Variants in BCAS3 observed in about 807,000 individuals in gnomAD.
BCAS3 encodes the protein BCAS4/BCAS3 fusion.
Under a neutral mutation model 116.1 loss-of-function variants are expected in BCAS3, and 53 were observed. The ratio of observed to expected loss-of-function variants is 0.46; its 90% CI spans 0.37 to 0.57. The LOEUF (loss-of-function observed/expected upper bound fraction) is 0.57, where lower values mean the gene tolerates loss of function less well. Ranked by LOEUF, BCAS3 falls within the 20% of genes least tolerant of loss-of-function variation. The pLI is 0.00. For synonymous variants in BCAS3, 391 were observed against 408.2 expected, an observed-to-expected ratio of 0.96 and a Z score of 0.51; for missense variants, 917 against 1,165.4, an observed-to-expected ratio of 0.79 and a Z score of 3.10.
At chr17:61,246,611 G>A (rs968819116) in intron 22 of BCAS3, among the ~76,000 whole-genome samples, 1 of 152,016 alleles carries the variant, frequency 6.6e-6, no homozygotes, top group African/African-American at 2.4e-5. Context: ...CACCTGACAC[G>A]GCATCACTGG....
At chr17:60,702,144 ATGTAGT>A (rs774019996) in intron 4 of BCAS3, among the ~76,000 whole-genome samples, 8 of 152,210 alleles carry the variant, frequency 5.3e-5, no homozygotes, top group African/African-American at 1.4e-4. Context: ...AAACGTATAG[ATGTAGT>A]TGAATTGAAT....
At chr17:60,976,271 G>A (rs1162199074) in intron 14 of BCAS3, among the ~76,000 whole-genome samples, 6 of 151,272 alleles carry the variant, frequency 4.0e-5, no homozygotes, top group Non-Finnish European at 5.9e-5. Flanking sequence ...TGATCCACCC[G>A]CCTCGGCCTG....
In BCAS3 at chr17:61,362,346, C is replaced by T. The variant is rs1247462340; in HGVS notation, c.2426-5981C>T. ...AAAGCACTGCTTAATGCAGGTTTTG[C>T]TTTTGGTATCTGGCCTCCCTGGTGG... On this transcript the variant is annotated intron_variant, in intron 22 of 23. Coordinates refer to ENST00000407086, the MANE Select transcript of BCAS3 (RefSeq NM_017679.5). The surrounding 1 kb of genome is among the most constrained non-coding windows in gnomAD (Gnocchi z 4.4). Among the ~76,000 whole-genome samples the T allele has an allele frequency of 1.3e-5, 2 of 152,214 alleles. No individual in the cohort carries two copies. Among genetic ancestry groups the T allele is most frequent in the Non-Finnish European group, 2.9e-5 (2 of 68,024 alleles).
intron 22 of BCAS3, among the ~76,000 whole-genome samples, chr17:61,357,788 A>G (rs1029411375): frequency 3.3e-5 from 5 of 150,434 alleles, no homozygotes; most frequent in Non-Finnish European, 7.4e-5. Context: ...TATAAAATAC[A>G]AAAAAATAAT....
rs762632104 is a variant in BCAS3 at position 61,246,386 on chromosome 17, C to T, written c.2426-121941C>T. Among the ~76,000 whole-genome samples, 57 of 139,784 alleles carry T rather than the reference C, an allele frequency of 4.1e-4. No homozygotes were observed. The Middle Eastern group carries it at 0.011, about 27-fold the overall frequency. The allele number at this position is 139,784 out of a possible 152,430, so 91.7% of individuals were successfully genotyped here. ...GTCCCAGCTATTGAGGAGGCTGAGG[C>T]GAGAGGACCACAGAAGCAGAGGTTG... On this transcript the variant is annotated intron_variant, in intron 22 of 23. Coordinates refer to ENST00000407086, the MANE Select transcript of BCAS3 (RefSeq NM_017679.5).
At chr17:61,230,174 CAT>C (rs1054387567) in intron 22 of BCAS3, among the ~76,000 whole-genome samples, 3 of 134,508 alleles carry the variant, frequency 2.2e-5, no homozygotes, top group Non-Finnish European at 3.3e-5. Context: ...CACACACACA[CAT>C]AGTGTTGATA....
intron 19 of BCAS3, among the ~76,000 whole-genome samples, chr17:61,050,347 C>T (rs2068743389): frequency 6.6e-6 from 1 of 151,778 alleles, no homozygotes; most frequent in Non-Finnish European, 1.5e-5. Context: ...AAAATATTGA[C>T]TGTTAACAGA....
intron 7 of BCAS3, among the ~76,000 whole-genome samples, chr17:60,812,694 C>A (rs2048949360): frequency 6.6e-6 from 1 of 152,054 alleles, no homozygotes; most frequent in African/African-American, 2.4e-5. Flanking sequence ...TACATACATA[C>A]ATATATACAT....
At chr17:60,943,417 A>G (rs2145231524) in intron 13 of BCAS3, among the ~76,000 whole-genome samples, 1 of 152,274 alleles carries the variant, frequency 6.6e-6, no homozygotes, top group East Asian at 1.9e-4. Context: ...AGTACCAATC[A>G]AAACAAAGTT....
At chr17:60,851,608 TA>T in intron 7 of BCAS3, 1 of 648,200 alleles carries the variant, frequency 1.5e-6, no homozygotes, top group Non-Finnish European at 2.9e-6. Context: ...GAAGTACAAA[TA>T]AAAGGGCAAA....
At chr17:61,221,513 A>C (rs556483875) in intron 22 of BCAS3, among the ~76,000 whole-genome samples, 1 of 152,344 alleles carries the variant, frequency 6.6e-6, no homozygotes, top group South Asian at 2.1e-4. Context: ...TTAAGGGATA[A>C]ATCTGATTAT....
chr17:60,710,684 G>A lies in BCAS3; in HGVS notation c.321+1359G>A, dbSNP rs574301090. On this transcript the variant is annotated intron_variant, in intron 5 of 23. Transcript: ENST00000407086. ...CTGACCTCGTGATCCGCCCGCCTTG[G>A]CCTCCCAAAGTGCTGGGATTACAGG... Among the ~76,000 whole-genome samples, 18 of 152,156 alleles carry A rather than the reference G, an allele frequency of 1.2e-4. No individual in the cohort carries two copies. The South Asian group carries it at 1.7e-3, about 14-fold the overall frequency.
At chr17:61,172,405 G>A (rs935708113) in intron 22 of BCAS3, among the ~76,000 whole-genome samples, 10 of 152,112 alleles carry the variant, frequency 6.6e-5, no homozygotes, top group Admixed American at 4.6e-4. Context: ...AGGCCGAGGC[G>A]GGCGGATCAC....
At chr17:61,319,896 ATTTTTT>A (rs57784469) in intron 22 of BCAS3, among the ~76,000 whole-genome samples, 1 of 134,674 alleles carries the variant, frequency 7.4e-6, no homozygotes, top group African/African-American at 2.7e-5. Flanking sequence ...TTTATTTTTT[ATTTTTT>A]TTTTTTGAGA....
In BCAS3 at chr17:60,742,558, G is replaced by A. The variant is rs548545322; in HGVS notation, c.322-4640G>A. ...AGCAATCTTCCCACCTCAGCCTCCC[G>A]AGTAGCTGGGACTACAGGTGTGTGC... On this transcript the variant is annotated intron_variant, in intron 5 of 23. Coordinates refer to ENST00000407086, the MANE Select transcript of BCAS3 (RefSeq NM_017679.5). Among the ~76,000 whole-genome samples, 547 of 148,736 alleles carry A rather than the reference G, an allele frequency of 3.7e-3. 3 individuals are homozygous for A. The highest frequency in any genetic ancestry group is 0.013 in the African/African-American group (517 of 40,406).
chr17:61,371,945 G>T (rs1352829741), intron 23 of BCAS3, among the ~76,000 whole-genome samples: 1 of 152,184 alleles, frequency 6.6e-6, no homozygotes, highest in African/African-American at 2.4e-5. Flanking sequence ...CCAAATAGTT[G>T]AATTCAATCA....
In BCAS3 at chr17:61,126,397, C is replaced by T. The variant is rs1026278629; in HGVS notation, c.2425+41833C>T. ...AGTGTATATGTGTCATGTTATCGCACGTGAACCACTGCCTATGTTAAATAG... is the reference window on the plus strand; with the variant it reads ...AGTGTATATGTGTCATGTTATCGCATGTGAACCACTGCCTATGTTAAATAG... On this transcript the variant is annotated intron_variant, in intron 22 of 23. Coordinates refer to ENST00000407086, the MANE Select transcript of BCAS3 (RefSeq NM_017679.5). The surrounding 1 kb of genome is among the most constrained non-coding windows in gnomAD (Gnocchi z 4.6). 6.6e-6 allele frequency among the ~76,000 whole-genome samples: 1 copy of T among 152,134 alleles called. No homozygotes were observed.
chr17:61,259,294 T>C lies in BCAS3; in HGVS notation c.2426-109033T>C, dbSNP rs1440745620. ...TAATCTGTGTTGATCTGTCTTCTTC[T>C]TGAGGGCACACAGAATTTGAGAACA... On this transcript the variant is annotated intron_variant, in intron 22 of 23. Coordinates refer to ENST00000407086, the MANE Select transcript of BCAS3 (RefSeq NM_017679.5). This position sits in a 1 kb window ranked among gnomAD's most constrained non-coding sequence, Gnocchi z 4.7. 2.0e-5 allele frequency among the ~76,000 whole-genome samples: 3 copies of C among 152,042 alleles called. No individual in the cohort carries two copies. Among genetic ancestry groups the C allele is most frequent in the Admixed American group, 6.6e-5 (1 of 15,266 alleles).
rs1360222863 is a variant in BCAS3, at chr17:61,013,287, C to T, written c.1487-2464C>T. On this transcript the variant is annotated intron_variant, in intron 15 of 23. Coordinates refer to ENST00000407086, the MANE Select transcript of BCAS3 (RefSeq NM_017679.5). The surrounding 1 kb of genome is among the most constrained non-coding windows in gnomAD (Gnocchi z 4.4). ...CTTACAGTGTTATCTTAAGCTAAGG[C>T]ACTCAACAAATATTTGTTTACTAGT... Among the ~76,000 whole-genome samples, 3 of 152,052 alleles carry T rather than the reference C, an allele frequency of 2.0e-5. No homozygotes were observed. Among genetic ancestry groups the T allele is most frequent in the Non-Finnish European group, 4.4e-5 (3 of 67,970 alleles).
Sources: allele counts gnomAD v4.1 joint callset (sites outside exome capture counted in the v4.1 genomes callset), GRCh38; gene constraint gnomAD v4.1.1; non-coding constraint Gnocchi (gnomAD v3.1); transcripts MANE v1.5; gene names NCBI Gene and HGNC (gene_info 2026-07-23, HGNC 2026-07-21).